The following LRP1 variants were observed in gnomAD, a reference collection of about 807,000 sequenced individuals.
The protein encoded by LRP1 is LDL receptor related protein 1, also known as prolow-density lipoprotein receptor-related protein 1.
Under a neutral mutation model 541.5 loss-of-function variants are expected in LRP1, and 51 were observed. The observed-to-expected ratio is 0.09, with a 90% CI of 0.08 to 0.12. The LOEUF is 0.12. Among genes scored for constraint, LRP1 ranks in the 10% least tolerant of loss-of-function variants. LRP1 has a pLI of 1.00. For synonymous variants in LRP1, 2,219 were observed against 2,470.8 expected (o/e 0.90, Z 3.02); for missense variants, 3,878 against 6,376.2 (o/e 0.61, Z 13.34).
In LRP1 at chr12:57,176,171, G is replaced by C. The variant is rs1257128402; in HGVS notation, c.3991+65G>C. On this transcript the variant is annotated intron_variant, in intron 24 of 88. Transcript: ENST00000243077. ...GAGCGCTCAGGCGCTAGGGGCCACA[G>C]GTCCCATCCAAGTGGCCCCAAAGCA... 1.6e-5 allele frequency: 25 copies of C among 1,535,904 alleles called. No individual in the cohort carries two copies. The East Asian group carries it at 3.2e-4, about 19-fold the overall frequency.
At chr12:57,151,049 A>G (rs2136670596) in intron 6 of LRP1, among the ~76,000 whole-genome samples, 1 of 152,168 alleles carries the variant, frequency 6.6e-6, no homozygotes, top group South Asian at 2.1e-4. Context: ...TTCTCAGGAC[A>G]TAAAGGCTTC....
In LRP1 at chr12:57,154,889, T is replaced by G. The variant is rs2035591551; in HGVS notation, c.1227+188T>G. 1 of 624,360 alleles carries G rather than the reference T, an allele frequency of 1.6e-6. No homozygotes were observed. The highest frequency in any genetic ancestry group is 2.9e-6 in the Non-Finnish European group (1 of 349,362). The allele number at this position is 624,360 out of a possible 1,614,324, so 38.7% of individuals were successfully genotyped here. A position where few individuals can be genotyped will look rare whatever the true frequency, so the allele number is the denominator to read the frequency against. ...AAAGGACAAGATACGGGTTCCACTG[T>G]GATGGGAACAGTCATTTTAGAAACA... On this transcript the variant is annotated intron_variant, in intron 8 of 88. Coordinates refer to ENST00000243077, the MANE Select transcript of LRP1 (RefSeq NM_002332.3). This position sits in a 1 kb window ranked among gnomAD's most constrained non-coding sequence, Gnocchi z 4.6.
At position 57,205,518 on chromosome 12, in the gene LRP1, C is replaced by A; in HGVS notation, c.11470+33C>A. ...AGCGGGGCAGAGCAGGGGTGGACACCCCAACTGTGGACTCTCATGACCCTC... is the reference window on the plus strand; with the variant it reads ...AGCGGGGCAGAGCAGGGGTGGACACACCAACTGTGGACTCTCATGACCCTC... On this transcript the variant is annotated intron_variant, in intron 74 of 88. Transcript: ENST00000243077. The surrounding 1 kb of genome is among the most constrained non-coding windows in gnomAD (Gnocchi z 4.6). The A allele has an allele frequency of 6.2e-7, 1 of 1,613,232 alleles. No homozygotes were observed. The highest frequency in any genetic ancestry group is 8.5e-7 in the Non-Finnish European group (1 of 1,179,502).
intron 69 of LRP1, 26 bp from the exon 70 acceptor site, chr12:57,203,363 C>A: frequency 6.3e-7 from 1 of 1,594,830 alleles, no homozygotes; most frequent in Non-Finnish European, 8.6e-7. Flanking sequence ...CGAGAGGTGA[C>A]CGGCTGCCTG....
In LRP1 at chr12:57,167,051, G is replaced by A. The variant is rs963336849; in HGVS notation, c.2914+5G>A. The stretch of plus-strand genomic sequence containing the variant: ...CTGATGAGTCTGCTTCGTGTGGTAA[G>A]AGGGATGGGCAGAGGGAGTCAGGCT... On this transcript the variant is annotated splice_donor_5th_base_variant and intron_variant, in intron 18 of 88. Transcript: ENST00000243077. 5 of 1,611,486 alleles carry A rather than the reference G, an allele frequency of 3.1e-6. No individual in the cohort carries two copies. The highest frequency in any genetic ancestry group is 3.4e-6 in the Non-Finnish European group (4 of 1,177,730).
chr12:57,203,653 T>A, intron 70 of LRP1, 132 bp downstream of exon 70: 2 of 1,199,724 alleles, frequency 1.7e-6, no homozygotes, highest in Non-Finnish European at 2.2e-6. Context: ...GCATTTACCA[T>A]GTACCAGGCA....
Position 57,205,003 on chromosome 12 carries a change from C to T in LRP1, c.11195-106C>T. 1 of 1,494,662 alleles carries T rather than the reference C, an allele frequency of 6.7e-7. No homozygotes were observed. Among genetic ancestry groups the T allele is most frequent in the Non-Finnish European group, 9.0e-7 (1 of 1,108,422 alleles). The allele number at this position is 1,494,662 out of a possible 1,614,324, so 92.6% of individuals were successfully genotyped here. ...CCAAATGTTTGACCTGCTCCCCCTG[C>T]AAGCCTTGTCACTTAGGAATTGGGA... On this transcript the variant is annotated intron_variant, in intron 72 of 88. Coordinates refer to ENST00000243077, the MANE Select transcript of LRP1 (RefSeq NM_002332.3). The surrounding 1 kb of genome is among the most constrained non-coding windows in gnomAD (Gnocchi z 4.6).
Position 57,198,185 on chromosome 12 carries a change from C to A in LRP1, c.9312C>A (p.Pro3104=). Residue 3104 remains proline (P), a synonymous_variant, in exon 59 of 89, where the codon CCC becomes CCA. Transcript: ENST00000243077. ...TACACCGTACAGGCCTCAGCAACCC[C>A]GATGGGCTGGCTGTGGACTGGGTGG... ...QVLHRTGLSN[P]DGLAVDWVGG... The A allele has an allele frequency of 6.2e-7, 1 of 1,612,870 alleles. No homozygotes were observed. The highest frequency in any genetic ancestry group is 1.3e-5 in the African/African-American group (1 of 75,018).
intron 15 of LRP1, chr12:57,164,760 C>T (rs1160504622): frequency 6.6e-6 from 1 of 152,150 alleles, no homozygotes; most frequent in Non-Finnish European, 1.5e-5. Context: ...GGATGGTTTC[C>T]TTAGGATAGA....
rs141970248 is a variant in LRP1, at chr12:57,188,861, G to A, written c.7031+1405G>A. Among the ~76,000 whole-genome samples, 389 of 152,348 alleles carry A rather than the reference G, an allele frequency of 2.6e-3. 2 individuals carry two copies. Among genetic ancestry groups the A allele is most frequent in the African/African-American group, 7.2e-3 (298 of 41,586 alleles). Reference sequence around the variant, plus strand: ...GGCGGCATGTTAGCCAGCGTCTGAGGATGGCAGGAGTGGCTGGGTGGGAGC... The same window carrying A: ...GGCGGCATGTTAGCCAGCGTCTGAGAATGGCAGGAGTGGCTGGGTGGGAGC... On this transcript the variant is annotated intron_variant, in intron 42 of 88. Coordinates refer to ENST00000243077, the MANE Select transcript of LRP1 (RefSeq NM_002332.3).
intron 44 of LRP1, 143 bp downstream of exon 44, chr12:57,191,655 A>T: frequency 1.6e-6 from 1 of 633,524 alleles, no homozygotes. Flanking sequence ...TACACTACAC[A>T]CACCACACCA....
At position 57,204,280 on chromosome 12, in the gene LRP1, G is replaced by A; in HGVS notation, c.10952-130G>A. The A allele has an allele frequency of 1.8e-6, 2 of 1,129,064 alleles. No homozygotes were observed. The highest frequency in any genetic ancestry group is 1.2e-6 in the Non-Finnish European group (1 of 821,602). 69.9% of individuals were successfully genotyped at this position (1,129,064 alleles called of 1,614,324 possible). ...GGCCCCACCAAGTAGAAATTTAAGA[G>A]ACCTGGTTCCAATTTGGCTGTGCCA... On this transcript the variant is annotated intron_variant, in intron 70 of 88. Transcript: ENST00000243077. This position sits in a 1 kb window ranked among gnomAD's most constrained non-coding sequence, Gnocchi z 5.3.
chr12:57,162,222 C>A lies in LRP1; in HGVS notation c.2203-95C>A. The stretch of plus-strand genomic sequence containing the variant: ...TGGGGGAAACAAAGCAAAACCCATG[C>A]CCAGGACATAGACAAATGAATGTAC... On this transcript the variant is annotated intron_variant, in intron 13 of 88. Coordinates refer to ENST00000243077, the MANE Select transcript of LRP1 (RefSeq NM_002332.3). The surrounding 1 kb of genome is among the most constrained non-coding windows in gnomAD (Gnocchi z 5.2). The A allele has an allele frequency of 2.7e-6, 3 of 1,112,740 alleles. No individual in the cohort carries two copies. Among genetic ancestry groups the A allele is most frequent in the Non-Finnish European group, 4.1e-6 (3 of 733,204 alleles). The allele number at this position is 1,112,740 out of a possible 1,614,324, so 68.9% of individuals were successfully genotyped here.
chr12:57,173,292 C>T lies in LRP1; in HGVS notation c.3288C>T (p.Ser1096=), dbSNP rs35949701. 546 of 1,614,114 alleles carry T rather than the reference C, an allele frequency of 3.4e-4. 4 individuals are homozygous for T. In the African/African-American group the frequency reaches 6.7e-3, roughly 20 times the overall value. ...GCATGGACTCCAGCGATGAGAAGAG[C>T]TGTGAGGGAGTGACCCACGTCTGCG... ...TDCMDSSDEK[S]CEGVTHVCDP... The change falls in exon 21 of 89, where the codon AGC becomes AGT. Residue 1096 remains serine (S), a synonymous_variant. Transcript: ENST00000243077. The surrounding 1 kb of genome is among the most constrained non-coding windows in gnomAD (Gnocchi z 4.7).
In LRP1 at chr12:57,128,607, AC is replaced by A. The variant is rs928967983; in HGVS notation, c.-351del. On this transcript the variant is annotated 5_prime_UTR_variant, in exon 1 of 89. Transcript: ENST00000243077. ...CTCCCCTACCCGGTCCACGCCCCCC[AC>A]CCCCCCTCCCCGCCTCCTCCCAATT... is the stretch of plus-strand genomic sequence containing the variant. 18 of 327,592 alleles carry A rather than the reference AC, an allele frequency of 5.5e-5. No homozygotes were observed. Among genetic ancestry groups the A allele is most frequent in the South Asian group, 1.2e-4 (1 of 8,176 alleles). The allele number at this position is 327,592 out of a possible 1,614,324, so 20.3% of individuals were successfully genotyped here. A position where few individuals can be genotyped will look rare whatever the true frequency, so the allele number is the denominator to read the frequency against.
At position 57,205,778 on chromosome 12, in the gene LRP1, G is replaced by C. The variant is rs1453876237; in HGVS notation, c.11590+101G>C. On this transcript the variant is annotated intron_variant, in intron 75 of 88. Transcript: ENST00000243077. This position sits in a 1 kb window ranked among gnomAD's most constrained non-coding sequence, Gnocchi z 4.6. ...TGGAATGTCTTCCTGCGGACATCTT[G>C]CCCAGACAAGAAGCCCCAGACTCAT... 1 of 1,508,882 alleles carries C rather than the reference G, an allele frequency of 6.6e-7. No homozygotes were observed. The highest frequency in any genetic ancestry group is 1.4e-5 in the African/African-American group (1 of 72,884). The allele number at this position is 1,508,882 out of a possible 1,614,324, so 93.5% of individuals were successfully genotyped here. A position where few individuals can be genotyped will look rare whatever the true frequency, so the allele number is the denominator to read the frequency against.
chr12:57,174,986 A>G (rs1010324465), intron 22 of LRP1, among the ~76,000 whole-genome samples: 3 of 152,142 alleles, frequency 2.0e-5, no homozygotes, highest in African/African-American at 4.8e-5. Context: ...CCGACAGGCT[A>G]TCAGTCAGGC....
chr12:57,137,258 C>A (rs912941375), intron 1 of LRP1, among the ~76,000 whole-genome samples: 46 of 128,198 alleles, frequency 3.6e-4, no homozygotes, highest in East Asian at 1.1e-3. Context: ...AAAAAAAAAA[C>A]AACAGAGTTA....
chr12:57,210,060 G>T lies in LRP1; in HGVS notation c.12471G>T (p.Glu4157Asp). 6.2e-7 allele frequency: 1 copy of T among 1,612,838 alleles called. No individual in the cohort carries two copies. ...ACCCATGTGACCGCAAGAAATGCGA[G>T]TGGCTCTGCCTGCTGAGCCCCAGTG... ...VTNPCDRKKC[E>D]WLCLLSPSGP... Residue 4157 changes from glutamate to aspartate, a missense_variant, in exon 81 of 89, where the codon GAG becomes GAT. By Grantham distance (45) the Glu-to-Asp change is conservative (BLOSUM62 2). Around this residue, in one of 13 missense-constraint regions of LRP1, gnomAD observed 871 missense variants for 1,212.4 expected, o/e 0.72. Transcript: ENST00000243077.
Sources: allele counts gnomAD v4.1 joint callset (sites outside exome capture counted in the v4.1 genomes callset), GRCh38; gene constraint gnomAD v4.1.1; regional missense constraint gnomAD v4.1.1; non-coding constraint Gnocchi (gnomAD v3.1); transcripts MANE v1.5; gene names NCBI Gene and HGNC (gene_info 2026-07-23, HGNC 2026-07-21).